Variants in PHLPP1 observed in about 807,000 individuals in gnomAD.
PHLPP1 encodes PH domain leucine-rich repeat-containing protein phosphatase 1.
PHLPP1 carries 42 observed loss-of-function variants against 117.2 expected under a neutral mutation model. The ratio of observed to expected loss-of-function variants is 0.36; its 90% CI spans 0.28 to 0.46. The LOEUF is 0.46. Among genes scored for constraint, PHLPP1 ranks in the 20% least tolerant of loss-of-function variants. The pLI, the probability that PHLPP1 is intolerant of heterozygous loss-of-function variation, is 1.00. For synonymous variants in PHLPP1, 1,042 were observed against 970.7 expected (o/e 1.07, Z -1.37); for missense variants, 2,084 against 2,241.9 (o/e 0.93, Z 1.42).
chr18:62,871,579 C>T (rs112712313), intron 4 of PHLPP1, among the ~76,000 whole-genome samples: 6,478 of 151,594 alleles, frequency 0.043, 465 homozygotes, highest in African/African-American at 0.15. Context: ...CTGACTGCCT[C>T]GGCCTCCGAA....
intron 10 of PHLPP1, among the ~76,000 whole-genome samples, chr18:62,939,851 A>T (rs1254121942): frequency 6.6e-6 from 1 of 151,910 alleles, no homozygotes; most frequent in Non-Finnish European, 1.5e-5. Flanking sequence ...TCTCTCCAAG[A>T]TTAAAAATAA....
chr18:62,890,595 A>G (rs1916382543), intron 4 of PHLPP1, among the ~76,000 whole-genome samples: 2 of 152,016 alleles, frequency 1.3e-5, no homozygotes, highest in Admixed American at 1.3e-4. Context: ...TGTTAACTGC[A>G]TTTTCCTCAT....
chr18:62,870,745 A>G (rs773691603), intron 4 of PHLPP1, among the ~76,000 whole-genome samples: 2 of 152,190 alleles, frequency 1.3e-5, no homozygotes, highest in Admixed American at 1.3e-4. Context: ...CAAATGAGCT[A>G]TTTTCACAGA....
intron 4 of PHLPP1, among the ~76,000 whole-genome samples, chr18:62,872,757 TGA>T (rs1431784859): frequency 1.3e-4 from 19 of 149,806 alleles, no homozygotes; most frequent in African/African-American, 4.7e-4. Context: ...GAGGCTGAGG[TGA>T]GTGGATTATT....
At chr18:62,789,217 T>C (rs1452321489) in intron 1 of PHLPP1, among the ~76,000 whole-genome samples, 1 of 152,200 alleles carries the variant, frequency 6.6e-6, no homozygotes, top group Non-Finnish European at 1.5e-5. Context: ...CATTAGTGAA[T>C]ATATGTAAGA....
At chr18:62,790,551 A>G (rs576845989) in intron 1 of PHLPP1, among the ~76,000 whole-genome samples, 2 of 152,362 alleles carry the variant, frequency 1.3e-5, no homozygotes, top group South Asian at 2.1e-4. Context: ...TCAGTAATCT[A>G]GAATACCACA....
chr18:62,812,007 T>C (rs755552901), intron 1 of PHLPP1, among the ~76,000 whole-genome samples: 1 of 152,192 alleles, frequency 6.6e-6, no homozygotes, highest in Non-Finnish European at 1.5e-5. Flanking sequence ...ATTTAAACAA[T>C]AGCTGTGTAT....
chr18:62,815,192 C>G (rs891799642), intron 1 of PHLPP1, among the ~76,000 whole-genome samples: 7 of 140,056 alleles, frequency 5.0e-5, no homozygotes, highest in Middle Eastern at 8.3e-3. Flanking sequence ...GAGTCTTGCT[C>G]TGTTGCCCAG....
At chr18:62,801,561 T>C (rs1913785963) in intron 1 of PHLPP1, among the ~76,000 whole-genome samples, 1 of 152,130 alleles carries the variant, frequency 6.6e-6, no homozygotes, top group African/African-American at 2.4e-5. Context: ...CAAGTGATTC[T>C]CCTGCCTCAG....
At chr18:62,747,780 A>G (rs1911722488) in intron 1 of PHLPP1, among the ~76,000 whole-genome samples, 1 of 151,990 alleles carries the variant, frequency 6.6e-6, no homozygotes, top group African/African-American at 2.4e-5. Flanking sequence ...TTGGCCTTCC[A>G]GAGTGCTGGG....
rs1343843022 is a variant in PHLPP1, at chr18:62,972,501, G to A, written c.3561-13G>A. 6.2e-7 allele frequency: 1 copy of A among 1,610,510 alleles called. No individual in the cohort carries two copies. On this transcript the variant is annotated splice_polypyrimidine_tract_variant and intron_variant, in intron 14 of 16. Transcript: ENST00000262719. Reference sequence around the variant, plus strand: ...ATGAGTGGACTCAGCACAGAAGTGTGGTTGCCTTGCAGGTTGTGTGTCGCA... The same window carrying A: ...ATGAGTGGACTCAGCACAGAAGTGTAGTTGCCTTGCAGGTTGTGTGTCGCA...
At chr18:62,872,970 G>C (rs991716666) in intron 4 of PHLPP1, among the ~76,000 whole-genome samples, 19 of 110,764 alleles carry the variant, frequency 1.7e-4, no homozygotes, top group African/African-American at 6.6e-4. Context: ...CTGGGCGACA[G>C]AGCAAAACTC....
intron 1 of PHLPP1, among the ~76,000 whole-genome samples, chr18:62,822,048 A>G (rs930983110): frequency 1.3e-5 from 2 of 152,174 alleles, no homozygotes; most frequent in Non-Finnish European, 2.9e-5. Context: ...CAGAGCCATG[A>G]TTGTGGTACT....
chr18:62,916,747 C>CTTTTTTTTTT lies in PHLPP1; in HGVS notation c.2804+1754_2804+1763dup, dbSNP rs10538704. 1.9e-3 allele frequency among the ~76,000 whole-genome samples: 137 copies of CTTTTTTTTTT among 71,076 alleles called. 4 individuals carry two copies. Among genetic ancestry groups the CTTTTTTTTTT allele is most frequent in the African/African-American group, 3.2e-3 (54 of 16,798 alleles). 46.6% of individuals were successfully genotyped at this position (71,076 alleles called of 152,430 possible). On this transcript the variant is annotated intron_variant, in intron 9 of 16. Transcript: ENST00000262719. Reference sequence around the variant, plus strand: ...TTCTTCTATTTTCTTTCCTTCTATTCTTTTTTTTTTTTTTTTTTTTTTTTG... The same window carrying CTTTTTTTTTT: ...TTCTTCTATTTTCTTTCCTTCTATTCTTTTTTTTTTTTTTTTTTTTTTTTTTTTTTTTTTG...
intron 12 of PHLPP1, among the ~76,000 whole-genome samples, chr18:62,951,468 T>G (rs1456769846): frequency 6.6e-6 from 1 of 152,172 alleles, no homozygotes; most frequent in Non-Finnish European, 1.5e-5. Flanking sequence ...TAGAGAGGCT[T>G]CTGGAGAAAG....
intron 4 of PHLPP1, among the ~76,000 whole-genome samples, chr18:62,869,092 G>A (rs550348192): frequency 6.6e-6 from 1 of 152,278 alleles, no homozygotes; most frequent in Admixed American, 6.5e-5. Context: ...TTGCTCTATA[G>A]TTTGACAAAC....
chr18:62,952,533 G>A (rs1373233362), intron 12 of PHLPP1, among the ~76,000 whole-genome samples: 1 of 152,114 alleles, frequency 6.6e-6, no homozygotes, highest in Non-Finnish European at 1.5e-5. Context: ...AAATTTAAAA[G>A]GAATGCTTTA....
At chr18:62,816,270 A>C (rs1376049520) in intron 1 of PHLPP1, among the ~76,000 whole-genome samples, 1 of 152,214 alleles carries the variant, frequency 6.6e-6, no homozygotes, top group African/African-American at 2.4e-5. Context: ...GCAATGTATA[A>C]CAAGTTTGTT....
At position 62,972,630 on chromosome 18, in the gene PHLPP1, G is replaced by A. The variant is rs371414001; in HGVS notation, c.3677G>A (p.Ser1226Asn). 25 of 1,613,840 alleles carry A rather than the reference G, an allele frequency of 1.5e-5. No homozygotes were observed. Among genetic ancestry groups the A allele is most frequent in the Non-Finnish European group, 1.9e-5 (23 of 1,179,848 alleles). Residue 1226 changes from serine to asparagine, a missense_variant, in exon 15 of 17, where the codon AGT (serine) becomes AAT (asparagine). Ser to Asn is a conservative substitution (Grantham distance 46). This residue lies in a region of PHLPP1 where 1,365 missense variants were observed against 1,605.9 expected (regional missense o/e 0.85). Coordinates refer to ENST00000262719, the MANE Select transcript of PHLPP1 (RefSeq NM_194449.4). The stretch of plus-strand genomic sequence containing the variant: ...CCCTACCTTCTCCAGTGCACTATGA[G>A]TGACATTTTGGCTGAAGAGCTGCAA... Reference protein sequence around the residue: ...EVPYLLQCTMSDILAEELQKT... With the variant: ...EVPYLLQCTMNDILAEELQKT...
Sources: allele counts gnomAD v4.1 joint callset (sites outside exome capture counted in the v4.1 genomes callset), GRCh38; gene constraint gnomAD v4.1.1; regional missense constraint gnomAD v4.1.1; transcripts MANE v1.5; gene names NCBI Gene and HGNC (gene_info 2026-07-23, HGNC 2026-07-21).